MED1: variants seen among roughly 807,000 people sequenced by gnomAD.
The protein encoded by MED1 is mediator of RNA polymerase II transcription subunit 1.
In MED1, 17 loss-of-function variants were observed where a neutral mutation model predicts 121.3. The observed-to-expected ratio is 0.14, with a 90% CI of 0.10 to 0.21. The LOEUF (loss-of-function observed/expected upper bound fraction) is 0.21. Ranked by LOEUF, MED1 falls within the 10% of genes least tolerant of loss-of-function variation. The probability of loss-of-function intolerance (pLI) is 1.00; values close to 1 mark genes in which losing one functional copy is unlikely to be tolerated. For missense variants in MED1, 1,558 were observed against 1,919.4 expected (o/e 0.81, Z 3.52); for synonymous variants, 661 against 694.4 (o/e 0.95, Z 0.76).
Position 39,409,749 on chromosome 17 carries a change from ATCAGAG to A in MED1, c.2466_2471del (p.Ser823_Asp824del), listed in dbSNP as rs768781501. 11 of 1,614,104 alleles carry A rather than the reference ATCAGAG, an allele frequency of 6.8e-6. No individual in the cohort carries two copies. The highest frequency in any genetic ancestry group is 2.7e-5 in the African/African-American group (2 of 74,940). On this transcript the variant is annotated inframe_deletion, in exon 17 of 17. Transcript: ENST00000300651. ...TTTCATTATTGTTAGTTTGAAAGAC[ATCAGAG>A]TCAAACAGGGTACTCTGAGAATGCC...
At chr17:39,444,538 A>G (rs1360622009) in intron 2 of MED1, among the ~76,000 whole-genome samples, 2 of 150,940 alleles carry the variant, frequency 1.3e-5, no homozygotes, top group Non-Finnish European at 3.0e-5. Context: ...GAAACAGAAC[A>G]TGTAGTCCAG....
At chr17:39,420,924 T>C (rs2048457483) in intron 13 of MED1, among the ~76,000 whole-genome samples, 1 of 150,482 alleles carries the variant, frequency 6.6e-6, no homozygotes, top group Admixed American at 6.7e-5. Flanking sequence ...GCCTCCCAAG[T>C]AGCTGGGACT....
At chr17:39,445,217 CT>C (rs34886191) in intron 2 of MED1, among the ~76,000 whole-genome samples, 328 of 143,514 alleles carry the variant, frequency 2.3e-3, no homozygotes, top group African/African-American at 4.0e-3. Context: ...GTTGAAAACT[CT>C]TTTTTTTTTT....
Position 39,405,575 on chromosome 17 carries a change from A to G in MED1, c.*1900T>C. ...AGGCTGCTACTGTATCAACATCACA[A>G]GATAAAGCACTCTGGTATCACCTGC... On this transcript the variant is annotated 3_prime_UTR_variant, in exon 17 of 17. Coordinates refer to ENST00000300651, the MANE Select transcript of MED1 (RefSeq NM_004774.4). 2.3e-6 allele frequency: 3 copies of G among 1,285,324 alleles called. No individual in the cohort carries two copies. Among genetic ancestry groups the G allele is most frequent in the Non-Finnish European group, 2.0e-6 (2 of 1,012,304 alleles). 79.6% of individuals were successfully genotyped at this position (1,285,324 alleles called of 1,614,324 possible).
Position 39,410,329 on chromosome 17 carries a change from G to A in MED1, c.1892C>T (p.Pro631Leu). ...SPTPPHHTPP[P>L]VSSMAGNTKN... The stretch of plus-strand genomic sequence containing the variant: ...GGTGTTGCCGGCCATCGAAGAGACA[G>A]GTGGCGGCGTGTGATGAGGAGGGGT... The change falls in exon 17 of 17, where the codon CCT (proline) becomes CTT (leucine). Residue 631 changes from proline (P) to leucine (L), a missense_variant. Transcript: ENST00000300651. The A allele has an allele frequency of 6.2e-7, 1 of 1,614,030 alleles. No individual in the cohort carries two copies. Among genetic ancestry groups the A allele is most frequent in the Non-Finnish European group, 8.5e-7 (1 of 1,180,012 alleles).
chr17:39,450,734 G>T (rs181198590), intron 1 of MED1, among the ~76,000 whole-genome samples: 9 of 152,224 alleles, frequency 5.9e-5, no homozygotes, highest in Non-Finnish European at 1.3e-4. Context: ...TTATTCAGGC[G>T]TCTCTTCTGG....
intron 1 of MED1, 75 bp downstream of exon 1, chr17:39,450,963 T>G: frequency 7.1e-7 from 1 of 1,416,844 alleles, no homozygotes; most frequent in Admixed American, 1.8e-5. Context: ...CCATGGGACA[T>G]CTGCAAGAAC....
intron 6 of MED1, 44 bp downstream of exon 6, chr17:39,439,121 G>GCA: frequency 6.4e-7 from 1 of 1,559,902 alleles, no homozygotes; most frequent in African/African-American, 1.4e-5. Context: ...GTAAAGAACA[G>GCA]CACTGTCTGT....
At chr17:39,423,280 G>C in intron 13 of MED1, 47 bp downstream of exon 13, 1 of 1,354,460 alleles carries the variant, frequency 7.4e-7, no homozygotes, top group Non-Finnish European at 1.1e-6. Flanking sequence ...ATGATCTTGG[G>C]TCCAAACATA....
intron 3 of MED1, among the ~76,000 whole-genome samples, chr17:39,441,605 A>G (rs914817790): frequency 2.0e-5 from 3 of 152,088 alleles, no homozygotes; most frequent in African/African-American, 7.2e-5. Flanking sequence ...CCCTGTCTCT[A>G]ATAAAAATAC....
At chr17:39,444,863 C>T (rs1019301713) in intron 2 of MED1, among the ~76,000 whole-genome samples, 2 of 151,742 alleles carry the variant, frequency 1.3e-5, no homozygotes, top group Non-Finnish European at 2.9e-5. Context: ...AGTGAGACTC[C>T]ATCTCAAACA....
intron 6 of MED1, among the ~76,000 whole-genome samples, chr17:39,434,662 C>T (rs1473202498): frequency 6.6e-6 from 1 of 152,024 alleles, no homozygotes; most frequent in South Asian, 2.1e-4. Flanking sequence ...TTTCTTTTCC[C>T]TTTTTATTAA....
At chr17:39,428,978 T>A (rs1343402039) in intron 9 of MED1, among the ~76,000 whole-genome samples, 1 of 148,318 alleles carries the variant, frequency 6.7e-6, no homozygotes, top group Non-Finnish European at 1.5e-5. Flanking sequence ...TGACAGAAGA[T>A]GAAGTATGGA....
rs570560384 is a variant in MED1, at chr17:39,406,889, T to C, written c.*586A>G. On this transcript the variant is annotated 3_prime_UTR_variant, in exon 17 of 17. Coordinates refer to ENST00000300651, the MANE Select transcript of MED1 (RefSeq NM_004774.4). ...AGATAAAGGGTTAAAATATTACAAA[T>C]AAATAGCTAAAATAATCTTCCCTCC... The C allele has an allele frequency of 6.9e-5, 68 of 985,606 alleles. No individual in the cohort carries two copies. Among genetic ancestry groups the C allele is most frequent in the Middle Eastern group, 5.2e-4 (1 of 1,916 alleles). 61.1% of individuals were successfully genotyped at this position (985,606 alleles called of 1,614,324 possible). A position where few individuals can be genotyped will look rare whatever the true frequency, so the allele number is the denominator to read the frequency against.
intron 6 of MED1, 24 bp downstream of exon 6, chr17:39,439,141 G>T: frequency 1.3e-6 from 2 of 1,588,554 alleles, no homozygotes; most frequent in East Asian, 2.3e-5. Flanking sequence ...TCAATATCAA[G>T]GAATATAAAT....
intron 6 of MED1, among the ~76,000 whole-genome samples, 176 bp from the exon 7 acceptor site, chr17:39,434,496 A>C (rs2048599860): frequency 6.6e-6 from 1 of 152,208 alleles, no homozygotes; most frequent in African/African-American, 2.4e-5. Flanking sequence ...AAGAAAAGAA[A>C]ATATTTTCCT....
intron 10 of MED1, 133 bp downstream of exon 10, chr17:39,427,568 C>T (rs567222941): frequency 6.4e-5 from 39 of 611,386 alleles, no homozygotes; most frequent in African/African-American, 4.3e-4. Flanking sequence ...CACACATATA[C>T]GTGTGTGAGG....
intron 2 of MED1, 68 bp from the exon 3 acceptor site, chr17:39,443,696 A>G: frequency 8.0e-7 from 1 of 1,247,768 alleles, no homozygotes; most frequent in Non-Finnish European, 1.2e-6. Context: ...GTAAACATAC[A>G]CATTATCCTA....
At chr17:39,442,404 T>C (rs1312440090) in intron 3 of MED1, among the ~76,000 whole-genome samples, 1 of 151,552 alleles carries the variant, frequency 6.6e-6, no homozygotes, top group Non-Finnish European at 1.5e-5. Flanking sequence ...TATACTATCC[T>C]GGCTAACACG....
Sources: allele counts gnomAD v4.1 joint callset (sites outside exome capture counted in the v4.1 genomes callset), GRCh38; gene constraint gnomAD v4.1.1; transcripts MANE v1.5; gene names NCBI Gene and HGNC (gene_info 2026-07-23, HGNC 2026-07-21).